The following HMGXB3 variants were observed in gnomAD, a reference collection of about 807,000 sequenced individuals.
HMGXB3 encodes the protein HMG-box containing 3.
HMGXB3 carries 45 observed loss-of-function variants against 121.5 expected under a neutral mutation model. That is an observed-to-expected ratio of 0.37 (90% CI 0.29 to 0.47). The LOEUF is 0.47. HMGXB3 is among the 20% of genes least tolerant of loss of function. The pLI is 0.99. For synonymous variants in HMGXB3, 590 were observed against 624.1 expected, an observed-to-expected ratio of 0.95 and a Z score of 0.81; for missense variants, 1,376 against 1,602.2, an observed-to-expected ratio of 0.86 and a Z score of 2.41.
At chr5:150,043,357 TGTGAGGTTTCCATCTC>T (rs1276167494) in intron 15 of HMGXB3, among the ~76,000 whole-genome samples, 1 of 152,016 alleles carries the variant, frequency 6.6e-6, no homozygotes. Context: ...TGCATAGGAG[TGTGAGGTTTCCATCTC>T]TGAACTCTAC....
intron 15 of HMGXB3, among the ~76,000 whole-genome samples, chr5:150,042,447 C>T (rs779150352): frequency 6.6e-6 from 1 of 152,044 alleles, no homozygotes; most frequent in Non-Finnish European, 1.5e-5. Flanking sequence ...GGGGAAGGCC[C>T]CTCTGATACA....
rs7736929 is a variant in HMGXB3, at chr5:150,052,176, C to G, written c.3863C>G (p.Ala1288Gly). 291 of 1,545,072 alleles carry G rather than the reference C, an allele frequency of 1.9e-4. No homozygotes were observed. The African/African-American group carries it at 3.8e-3, about 20-fold the overall frequency. The change falls in exon 20 of 20, where the codon GCC becomes GGC. Residue 1288 changes from alanine to glycine, a missense_variant. By Grantham distance (60) the Ala-to-Gly change is moderately conservative. This residue lies in a region of HMGXB3 where 260 missense variants were observed against 233.2 expected (regional missense o/e 1.11). Transcript: ENST00000502717. ...TEEEGEEEEV[A>G]AVAE ...GAGGAGGGTGAGGAAGAGGAGGTGG[C>G]CGCAGTGGCAGAATAAGCCAGGCTG...
chr5:150,004,213 A>T (rs4705405), intron 1 of HMGXB3, among the ~76,000 whole-genome samples: 1 of 151,768 alleles, frequency 6.6e-6, no homozygotes, highest in Non-Finnish European at 1.5e-5. Flanking sequence ...GTATCCTTTG[A>T]GTCTTATCAC....
At position 150,028,505 on chromosome 5, in the gene HMGXB3, ATGTGTGTGTGTGTGTGTG is replaced by A. The variant is rs1156746032; in HGVS notation, c.1734+1408_1734+1425del. On this transcript the variant is annotated intron_variant, in intron 9 of 19. Transcript: ENST00000502717. ...TATATATATGTATATATATGTATGT[ATGTGTGTGTGTGTGTGTG>A]TGTGTGTGTGTGTGTGTGTATATAT... is the stretch of plus-strand genomic sequence containing the variant. Among the ~76,000 whole-genome samples, 3 of 90,502 alleles carry A rather than the reference ATGTGTGTGTGTGTGTGTG, an allele frequency of 3.3e-5. No homozygotes were observed. In the Admixed American group the frequency reaches 4.4e-4, roughly 13 times the overall value. The allele number at this position is 90,502 out of a possible 152,430, so 59.4% of individuals were successfully genotyped here. A position where few individuals can be genotyped will look rare whatever the true frequency, so the allele number is the denominator to read the frequency against.
chr5:150,014,746 A>T (rs1399246497), intron 5 of HMGXB3: 1 of 272,696 alleles, frequency 3.7e-6, no homozygotes, highest in Non-Finnish European at 6.9e-6. Context: ...GGCAAAGGCA[A>T]GGTGGAGTCT....
intron 7 of HMGXB3, among the ~76,000 whole-genome samples, chr5:150,025,178 G>A (rs78402126): frequency 0.012 from 1,768 of 152,290 alleles, 17 homozygotes; most frequent in Non-Finnish European, 0.019. Context: ...ATCCTCACAG[G>A]CTGACTGTAC....
chr5:150,035,680 A>AG, intron 11 of HMGXB3, among the ~76,000 whole-genome samples: 1 of 152,128 alleles, frequency 6.6e-6, no homozygotes. Context: ...TCTGCAGTCA[A>AG]GGGGTGCACT....
chr5:150,030,757 C>G lies in HMGXB3; in HGVS notation c.1751C>G (p.Ser584Cys). ...GATCCACAGCTACCAAGTGGCCCAT[C>G]CAACAGGACTTCTCAGGTGAAAGTT... ...PGEVKLPSGP[S>C]NRTSQVKVVE... Residue 584 changes from serine (S) to cysteine (C), a missense_variant, in exon 10 of 20, where the codon TCC (serine) becomes TGC (cysteine). Ser to Cys is a moderately radical substitution (Grantham distance 112). Around this residue, in one of 2 missense-constraint regions of HMGXB3, gnomAD observed 1,116 missense variants for 1,369.0 expected, o/e 0.82. Coordinates refer to ENST00000502717, the MANE Select transcript of HMGXB3 (RefSeq NM_014983.3). The G allele has an allele frequency of 6.4e-7, 1 of 1,552,100 alleles. No homozygotes were observed. The highest frequency in any genetic ancestry group is 1.2e-5 in the South Asian group (1 of 84,056).
chr5:150,034,179 T>G (rs1310428065), intron 11 of HMGXB3, among the ~76,000 whole-genome samples: 1 of 152,230 alleles, frequency 6.6e-6, no homozygotes, highest in Non-Finnish European at 1.5e-5. Flanking sequence ...GGATGCCTGC[T>G]GCTGGAAGTA....
chr5:150,010,322 A>G lies in HMGXB3; in HGVS notation c.524A>G (p.His175Arg), dbSNP rs1159138169. ...SNTAPETVPS[H>R]AGMAEQCLAV... Reference sequence around the variant, plus strand: ...ACTGCCCCGGAGACAGTGCCCAGCCATGCAGGCATGGCAGAGCAGTGCCTG... The same window carrying G: ...ACTGCCCCGGAGACAGTGCCCAGCCGTGCAGGCATGGCAGAGCAGTGCCTG... The change falls in exon 4 of 20, where the codon CAT becomes CGT. Residue 175 changes from histidine (H) to arginine (R), a missense_variant. Physicochemically the swap from His to Arg is conservative, Grantham distance 29. This residue lies in a region of HMGXB3 where 1,116 missense variants were observed against 1,369.0 expected (regional missense o/e 0.82). Coordinates refer to ENST00000502717, the MANE Select transcript of HMGXB3 (RefSeq NM_014983.3). 5 of 1,551,644 alleles carry G rather than the reference A, an allele frequency of 3.2e-6. No individual in the cohort carries two copies. In the African/African-American group the frequency reaches 5.5e-5, roughly 17 times the overall value.
chr5:150,014,442 A>G (rs944897194), intron 5 of HMGXB3, among the ~76,000 whole-genome samples: 1 of 152,246 alleles, frequency 6.6e-6, no homozygotes, highest in Admixed American at 6.5e-5. Context: ...GCAGTGTATA[A>G]AAATACTTTT....
At chr5:150,016,503 A>G (rs149342309) in intron 5 of HMGXB3, among the ~76,000 whole-genome samples, 2,609 of 152,292 alleles carry the variant, frequency 0.017, 66 homozygotes, top group African/African-American at 0.059. Flanking sequence ...CCCCTTTGTT[A>G]TTACAAAATG....
Position 150,036,877 on chromosome 5 carries a change from A to G in HMGXB3, c.2225A>G (p.Tyr742Cys), listed in dbSNP as rs779652608. Reference protein sequence around the residue: ...TIEQTSWSNYYESPSTQCLLC... With the variant: ...TIEQTSWSNYCESPSTQCLLC... ...GAGCAAACCTCTTGGTCGAATTATT[A>G]TGAGTCTCCGTCCACGCAGTGCCTT... The change falls in exon 12 of 20, where the codon TAT (tyrosine) becomes TGT (cysteine). Residue 742 changes from tyrosine to cysteine, a missense_variant. Physicochemically the swap from Tyr to Cys is radical, Grantham distance 194. Transcript: ENST00000502717. 3 of 1,551,714 alleles carry G rather than the reference A, an allele frequency of 1.9e-6. No individual in the cohort carries two copies. Among genetic ancestry groups the G allele is most frequent in the Middle Eastern group, 1.7e-4 (1 of 5,992 alleles).
chr5:150,040,092 G>C (rs1268801554), intron 13 of HMGXB3, among the ~76,000 whole-genome samples: 1 of 152,190 alleles, frequency 6.6e-6, no homozygotes, highest in Admixed American at 6.5e-5. Flanking sequence ...AAGGAAGAGT[G>C]ATACCTTTGG....
chr5:150,008,534 T>G (rs1755760794), intron 3 of HMGXB3, among the ~76,000 whole-genome samples: 1 of 152,152 alleles, frequency 6.6e-6, no homozygotes, highest in South Asian at 2.1e-4. Context: ...GAGTGAAGCT[T>G]TATGTGCTGT....
chr5:150,015,278 C>CTTTCT (rs372523072), intron 5 of HMGXB3: 7,280 of 168,266 alleles, frequency 0.043, 593 homozygotes, highest in African/African-American at 0.17. Context: ...GATTCAAAAC[C>CTTTCT]TTTCTTTTCT....
intron 4 of HMGXB3, among the ~76,000 whole-genome samples, chr5:150,011,269 A>C (rs916408178): frequency 6.6e-6 from 1 of 152,230 alleles, no homozygotes; most frequent in Admixed American, 6.5e-5. Flanking sequence ...CAGTGGCCTA[A>C]GTGTCATTCT....
chr5:150,001,964 GAAC>G (rs1755581878), intron 1 of HMGXB3, among the ~76,000 whole-genome samples: 1 of 152,186 alleles, frequency 6.6e-6, no homozygotes, highest in Admixed American at 6.5e-5. Context: ...GCCTTGATTT[GAAC>G]TACTGCTTCC....
At chr5:150,028,541 G>GTGTGTATA (rs1203886454) in intron 9 of HMGXB3, among the ~76,000 whole-genome samples, 29 of 42,078 alleles carry the variant, frequency 6.9e-4, no homozygotes, top group Admixed American at 1.8e-3. Context: ...GTGTGTGTGT[G>GTGTGTATA]TATATATATA....
Sources: allele counts gnomAD v4.1 joint callset (sites outside exome capture counted in the v4.1 genomes callset), GRCh38; gene constraint gnomAD v4.1.1; regional missense constraint gnomAD v4.1.1; transcripts MANE v1.5; gene names NCBI Gene and HGNC (gene_info 2026-07-23, HGNC 2026-07-21).